The following AGPS variants were observed in gnomAD, a reference collection of about 807,000 sequenced individuals.
AGPS encodes alkyldihydroxyacetonephosphate synthase, peroxisomal.
A neutral mutation model predicts 90.7 loss-of-function variants in AGPS; 26 were observed. That is an observed-to-expected ratio of 0.29 (90% CI 0.21 to 0.40). The LOEUF is 0.40. Among genes scored for constraint, AGPS ranks in the 10% least tolerant of loss-of-function variants. The pLI is 1.00. For synonymous variants in AGPS, 294 were observed against 285.3 expected (o/e 1.03, Z -0.31); for missense variants, 540 against 816.1 (o/e 0.66, Z 4.12).
At chr2:177,475,863 A>T (rs1315612468) in intron 10 of AGPS, among the ~76,000 whole-genome samples, 1 of 152,134 alleles carries the variant, frequency 6.6e-6, no homozygotes, top group African/African-American at 2.4e-5. Context: ...CATTTGAAGA[A>T]TAGCCAGACT....
chr2:177,403,632 A>G (rs562697649), intron 1 of AGPS, among the ~76,000 whole-genome samples: 1 of 152,198 alleles, frequency 6.6e-6, no homozygotes, highest in Non-Finnish European at 1.5e-5. Context: ...GAAAATAATA[A>G]TCAAAATGAA....
chr2:177,397,750 G>C (rs149558424), intron 1 of AGPS, among the ~76,000 whole-genome samples: 2 of 152,036 alleles, frequency 1.3e-5, no homozygotes, highest in Non-Finnish European at 1.5e-5. Flanking sequence ...TATTAACGTC[G>C]GGCATGGTGA....
chr2:177,431,183 G>A (rs887454216), intron 2 of AGPS, among the ~76,000 whole-genome samples: 4 of 152,084 alleles, frequency 2.6e-5, no homozygotes, highest in Non-Finnish European at 4.4e-5. Context: ...CCACATTATC[G>A]GTAGGTCCAT....
At chr2:177,484,827 A>G (rs1334540883) in intron 11 of AGPS, among the ~76,000 whole-genome samples, 2 of 152,172 alleles carry the variant, frequency 1.3e-5, no homozygotes, top group Non-Finnish European at 2.9e-5. Flanking sequence ...CAGTGGCACA[A>G]TCACAGCTCA....
At chr2:177,451,832 A>T (rs1397264690) in intron 8 of AGPS, among the ~76,000 whole-genome samples, 1 of 151,900 alleles carries the variant, frequency 6.6e-6, no homozygotes, top group Non-Finnish European at 1.5e-5. Context: ...ATCAGTGCTG[A>T]TTTTTTCCCA....
chr2:177,501,342 T>A (rs1688556013), intron 14 of AGPS, among the ~76,000 whole-genome samples: 1 of 152,176 alleles, frequency 6.6e-6, no homozygotes, highest in Non-Finnish European at 1.5e-5. Context: ...TAAGTATGGC[T>A]AGTAACTCAT....
intron 1 of AGPS, chr2:177,393,557 A>C: frequency 1.0e-6 from 1 of 985,276 alleles, no homozygotes; most frequent in Non-Finnish European, 1.2e-6. Flanking sequence ...CTTGCTTAGG[A>C]TCAAGATGTA....
rs1010744857 is a variant in AGPS, at chr2:177,392,993, G to C, written c.204G>C (p.Thr68=). 7 of 1,550,170 alleles carry C rather than the reference G, an allele frequency of 4.5e-6. No individual in the cohort carries two copies. Among genetic ancestry groups the C allele is most frequent in the Non-Finnish European group, 5.2e-6 (6 of 1,146,712 alleles). ...CKARRAASAA[T]AAPTATPAAQ... ...CGCGGAGAGCCGCGTCGGCGGCCAC[G>C]GCAGCGCCCACGGCCACTCCCGCCG... Residue 68 remains threonine (T), a synonymous_variant, in exon 1 of 20, where the codon ACG becomes ACC. Transcript: ENST00000264167.
chr2:177,540,007 T>TTAAG lies in AGPS; in HGVS notation c.*1812_*1813insTAAG. The stretch of plus-strand genomic sequence containing the variant: ...TTAATTGGTGATCAAAATATAAAAT[T>TTAAG]AAGGTACTAATGTCTCACTGGAAGT... On this transcript the variant is annotated 3_prime_UTR_variant, in exon 20 of 20. Coordinates refer to ENST00000264167, the MANE Select transcript of AGPS (RefSeq NM_003659.4). 6.8e-6 allele frequency: 1 copy of TTAAG among 147,488 alleles called. No homozygotes were observed. The highest frequency in any genetic ancestry group is 2.0e-4 in the East Asian group (1 of 5,096). 9.1% of individuals were successfully genotyped at this position (147,488 alleles called of 1,614,324 possible). A position where few individuals can be genotyped will look rare whatever the true frequency, so the allele number is the denominator to read the frequency against.
At chr2:177,481,365 C>CT (rs943125604) in intron 10 of AGPS, among the ~76,000 whole-genome samples, 32 of 151,052 alleles carry the variant, frequency 2.1e-4, no homozygotes, top group African/African-American at 7.5e-4. Context: ...TTTTTTTAAT[C>CT]TTTTTTTACT....
intron 9 of AGPS, among the ~76,000 whole-genome samples, chr2:177,462,383 A>C (rs1687320988): frequency 1.0e-5 from 1 of 100,068 alleles, no homozygotes; most frequent in Non-Finnish European, 1.9e-5. Context: ...ACAGAGCGAG[A>C]TTCTGTCTCA....
intron 1 of AGPS, among the ~76,000 whole-genome samples, chr2:177,399,989 A>C (rs1400601112): frequency 6.6e-6 from 1 of 152,198 alleles, no homozygotes; most frequent in African/African-American, 2.4e-5. Flanking sequence ...CAATTTATCC[A>C]TTCTGTTATT....
intron 9 of AGPS, among the ~76,000 whole-genome samples, chr2:177,464,203 A>T (rs1687381626): frequency 6.6e-6 from 1 of 152,138 alleles, no homozygotes; most frequent in Non-Finnish European, 1.5e-5. Flanking sequence ...GGCCTCCCAA[A>T]GTGCTGGAAT....
intron 1 of AGPS, among the ~76,000 whole-genome samples, chr2:177,402,753 C>T (rs1474856356): frequency 6.6e-6 from 1 of 152,144 alleles, no homozygotes; most frequent in Admixed American, 6.5e-5. Flanking sequence ...AGCCACCTCA[C>T]CCATTTGAAA....
chr2:177,528,897 C>T (rs927575209), intron 19 of AGPS, among the ~76,000 whole-genome samples: 1 of 122,248 alleles, frequency 8.2e-6, no homozygotes, highest in Non-Finnish European at 1.6e-5. Flanking sequence ...CTCTTGTTGC[C>T]CAGGCTGGAG....
intron 19 of AGPS, among the ~76,000 whole-genome samples, chr2:177,535,827 C>T (rs1329962219): frequency 6.6e-6 from 1 of 152,102 alleles, no homozygotes; most frequent in Non-Finnish European, 1.5e-5. Context: ...AAGTGCCAGA[C>T]CTCTGCCACG....
chr2:177,460,340 T>C (rs569778239), intron 8 of AGPS, among the ~76,000 whole-genome samples: 74 of 152,140 alleles, frequency 4.9e-4, no homozygotes, highest in African/African-American at 1.6e-3. Context: ...AAGTAAGAGG[T>C]ACCATTTGGG....
intron 17 of AGPS, among the ~76,000 whole-genome samples, chr2:177,517,532 G>A (rs766720649): frequency 1.6e-4 from 25 of 151,854 alleles, no homozygotes; most frequent in Admixed American, 4.6e-4. Context: ...TGATCACCAC[G>A]TTTCATCTGG....
chr2:177,413,498 C>T (rs554412362), intron 1 of AGPS, among the ~76,000 whole-genome samples: 64 of 152,248 alleles, frequency 4.2e-4, no homozygotes, highest in Non-Finnish European at 7.9e-4. Flanking sequence ...AGTGAATTGG[C>T]ATTTTCCCAG....
Sources: allele counts gnomAD v4.1 joint callset (sites outside exome capture counted in the v4.1 genomes callset), GRCh38; gene constraint gnomAD v4.1.1; transcripts MANE v1.5; gene names NCBI Gene and HGNC (gene_info 2026-07-23, HGNC 2026-07-21).